Variants in MAP4K5 observed in about 807,000 individuals in gnomAD.
The protein encoded by MAP4K5 is mitogen-activated protein kinase kinase kinase kinase 5, also known as MAPK/ERK kinase kinase kinase 5.
A neutral mutation model predicts 135.6 loss-of-function variants in MAP4K5; 82 were observed. That is an observed-to-expected ratio of 0.60 (90% CI 0.51 to 0.73). The LOEUF (loss-of-function observed/expected upper bound fraction) is 0.73. MAP4K5 is among the 30% of genes least tolerant of loss of function. MAP4K5 has a pLI of 0.00. For missense variants in MAP4K5, 907 were observed against 1,010.9 expected (o/e 0.90, Z 1.39); for synonymous variants, 347 against 335.0 (o/e 1.04, Z -0.39).
At chr14:50,559,552 A>G (rs1194218555) in intron 1 of MAP4K5, 1 of 152,234 alleles carries the variant, frequency 6.6e-6, no homozygotes, top group Admixed American at 6.5e-5. Flanking sequence ...TCTGGACCTT[A>G]TCTTTGCAAA....
intron 2 of MAP4K5, among the ~76,000 whole-genome samples, chr14:50,510,948 C>G (rs1475832723): frequency 6.6e-6 from 1 of 152,166 alleles, no homozygotes; most frequent in Non-Finnish European, 1.5e-5. Context: ...AACCCCACTC[C>G]TTGGCATGTA....
intron 1 of MAP4K5, among the ~76,000 whole-genome samples, chr14:50,547,756 C>A (rs1049349654): frequency 6.6e-6 from 1 of 152,204 alleles, no homozygotes; most frequent in Non-Finnish European, 1.5e-5. Context: ...AGCAAGTAGT[C>A]CTTAAGCTGG....
At chr14:50,486,782 T>G (rs1434913079) in intron 3 of MAP4K5, among the ~76,000 whole-genome samples, 2 of 151,910 alleles carry the variant, frequency 1.3e-5, no homozygotes, top group Admixed American at 6.6e-5. Context: ...AACACAAAAA[T>G]TAGATGGGTG....
chr14:50,430,877 G>A (rs1353935302), intron 28 of MAP4K5, among the ~76,000 whole-genome samples: 2 of 152,206 alleles, frequency 1.3e-5, no homozygotes, highest in Non-Finnish European at 2.9e-5. Flanking sequence ...GAAACTGAAA[G>A]TGGGTGGTAA....
chr14:50,431,237 T>G (rs971679443), intron 28 of MAP4K5, among the ~76,000 whole-genome samples: 1 of 152,094 alleles, frequency 6.6e-6, no homozygotes, highest in African/African-American at 2.4e-5. Flanking sequence ...TCTATGGGTT[T>G]TATCTTTTTT....
At chr14:50,522,830 T>C (rs2038179935) in intron 2 of MAP4K5, among the ~76,000 whole-genome samples, 3 of 152,178 alleles carry the variant, frequency 2.0e-5, no homozygotes, top group Admixed American at 2.0e-4. Context: ...AGAAATAACA[T>C]CACATACATC....
At chr14:50,547,996 C>T (rs1480561415) in intron 1 of MAP4K5, among the ~76,000 whole-genome samples, 1 of 152,110 alleles carries the variant, frequency 6.6e-6, no homozygotes, top group Non-Finnish European at 1.5e-5. Context: ...TTAATGATAT[C>T]ATGCTAACCT....
Position 50,435,046 on chromosome 14 carries a change from T to A in MAP4K5, c.1902A>T (p.Gly634=), listed in dbSNP as rs774659845. Residue 634 remains glycine, a synonymous_variant, in exon 27 of 33, where the codon GGA becomes GGT. Coordinates refer to ENST00000682126, the MANE Select transcript of MAP4K5 (RefSeq NM_006575.6). ...KCCIVRNPYT[G]HKYLCGALQS... Reference sequence around the variant, plus strand: ...GTAAAGCTCCACAGAGGTATTTATGTCCCGTGTAAGGGTTTCTGACTGGAA... The same window carrying A: ...GTAAAGCTCCACAGAGGTATTTATGACCCGTGTAAGGGTTTCTGACTGGAA... 7 of 1,608,676 alleles carry A rather than the reference T, an allele frequency of 4.4e-6. No homozygotes were observed. Among genetic ancestry groups the A allele is most frequent in the Non-Finnish European group, 6.0e-6 (7 of 1,176,176 alleles).
At chr14:50,481,292 CTA>C (rs199781564) in intron 6 of MAP4K5, among the ~76,000 whole-genome samples, 57 of 148,674 alleles carry the variant, frequency 3.8e-4, no homozygotes, top group African/African-American at 8.6e-4. Context: ...TTACACATCT[CTA>C]TATATATATA....
intron 1 of MAP4K5, among the ~76,000 whole-genome samples, chr14:50,555,642 T>C (rs966707156): frequency 4.6e-5 from 7 of 152,212 alleles, no homozygotes; most frequent in African/African-American, 1.4e-4. Flanking sequence ...CTCAGATTAT[T>C]TCATAAGACC....
chr14:50,537,966 A>T (rs1335909902), intron 2 of MAP4K5, among the ~76,000 whole-genome samples: 1 of 151,896 alleles, frequency 6.6e-6, no homozygotes, highest in Non-Finnish European at 1.5e-5. Flanking sequence ...ACTTTGGGGG[A>T]CTGTTGGGAA....
chr14:50,463,891 CAAAAAAAAAAAAAAAAAAAA>C (rs56877870), intron 12 of MAP4K5, among the ~76,000 whole-genome samples, 141 bp downstream of exon 12: 31 of 70,396 alleles, frequency 4.4e-4, no homozygotes, highest in African/African-American at 1.6e-3. Context: ...ACCCTGTTTC[CAAAAAAAAAAAAAAAAAAAA>C]AAAAAAAAAA....
At chr14:50,480,734 C>T (rs527798742) in intron 6 of MAP4K5, among the ~76,000 whole-genome samples, 1 of 152,192 alleles carries the variant, frequency 6.6e-6, no homozygotes, top group Non-Finnish European at 1.5e-5. Context: ...AGGGTACTTG[C>T]ATAAACATGG....
intron 11 of MAP4K5, among the ~76,000 whole-genome samples, chr14:50,465,780 A>T (rs914921868): frequency 1.3e-5 from 2 of 152,150 alleles, no homozygotes; most frequent in African/African-American, 4.8e-5. Flanking sequence ...AGAACACTGG[A>T]TTATAAAGAA....
chr14:50,527,668 T>C (rs2038295909), intron 2 of MAP4K5, among the ~76,000 whole-genome samples: 1 of 152,140 alleles, frequency 6.6e-6, no homozygotes. Context: ...CATTTGTTTG[T>C]TACATTACAA....
rs2139595113 is a variant in MAP4K5 at position 50,419,646 on chromosome 14, A to C, written c.*373T>G. 1 of 174,260 alleles carries C rather than the reference A, an allele frequency of 5.7e-6. No individual in the cohort carries two copies. Among genetic ancestry groups the C allele is most frequent in the East Asian group, 1.4e-4 (1 of 6,916 alleles). The allele number at this position is 174,260 out of a possible 1,614,324, so 10.8% of individuals were successfully genotyped here. Reference sequence around the variant, plus strand: ...TAACAAATTATGTTCATTAAGAAGGAATAAGACATGATATAAAATGATCAC... The same window carrying C: ...TAACAAATTATGTTCATTAAGAAGGCATAAGACATGATATAAAATGATCAC... On this transcript the variant is annotated 3_prime_UTR_variant, in exon 33 of 33. Coordinates refer to ENST00000682126, the MANE Select transcript of MAP4K5 (RefSeq NM_006575.6).
At chr14:50,459,447 G>A (rs565216125) in intron 13 of MAP4K5, among the ~76,000 whole-genome samples, 9 of 151,986 alleles carry the variant, frequency 5.9e-5, no homozygotes, top group Admixed American at 4.6e-4. Flanking sequence ...TTTTTATCTT[G>A]TATAATTTCA....
At chr14:50,444,908 T>A (rs139946835) in intron 18 of MAP4K5, 133 bp downstream of exon 18, 1 of 960,412 alleles carries the variant, frequency 1.0e-6, no homozygotes, top group East Asian at 2.6e-5. Flanking sequence ...TATAATAGGA[T>A]TGACTAAATA....
rs2036597239 is a variant in MAP4K5, at chr14:50,456,530, G to A, written c.1001C>T (p.Ala334Val). 1 of 1,574,346 alleles carries A rather than the reference G, an allele frequency of 6.4e-7. No homozygotes were observed. Among genetic ancestry groups the A allele is most frequent in the African/African-American group, 1.3e-5 (1 of 74,318 alleles). ...TNRNARAERT[A>V]SEINFDKLQF... The stretch of plus-strand genomic sequence containing the variant: ...CAAACACATACAATTTATTTCTGAA[G>A]CTGTCCGTTCAGCTCTGGCATTCCT... Residue 334 changes from alanine (A) to valine (V), a missense_variant, in exon 14 of 33, where the codon GCT becomes GTT. Ala to Val is a moderately conservative substitution (Grantham distance 64, BLOSUM62 0). This residue lies in a region of MAP4K5 where 690 missense variants were observed against 777.4 expected (regional missense o/e 0.89). Coordinates refer to ENST00000682126, the MANE Select transcript of MAP4K5 (RefSeq NM_006575.6).
Sources: allele counts gnomAD v4.1 joint callset (sites outside exome capture counted in the v4.1 genomes callset), GRCh38; gene constraint gnomAD v4.1.1; regional missense constraint gnomAD v4.1.1; transcripts MANE v1.5; gene names NCBI Gene and HGNC (gene_info 2026-07-23, HGNC 2026-07-21).